The following KNL1 variants were observed in gnomAD, a reference collection of about 807,000 sequenced individuals.
The protein encoded by KNL1 is kinetochore scaffold 1, also known as outer kinetochore KNL1 complex subunit KNL1.
Under a neutral mutation model 201.3 loss-of-function variants are expected in KNL1, and 66 were observed. The observed-to-expected ratio is 0.33, with a 90% CI of 0.27 to 0.40. The LOEUF (loss-of-function observed/expected upper bound fraction) is 0.40, where lower values mean the gene tolerates loss of function less well. KNL1 is among the 10% of genes least tolerant of loss of function. The pLI is 1.00. For missense variants in KNL1, 2,815 were observed against 2,690.5 expected, an observed-to-expected ratio of 1.05 and a Z score of -1.02; for synonymous variants, 895 against 899.2, an observed-to-expected ratio of 1.00 and a Z score of 0.08.
intron 1 of KNL1, among the ~76,000 whole-genome samples, chr15:40,595,327 G>A (rs987010108): frequency 6.6e-6 from 1 of 152,218 alleles, no homozygotes; most frequent in Admixed American, 6.5e-5. Flanking sequence ...TTCTAAAGTG[G>A]TGTGGGAGCA....
intron 22 of KNL1, 60 bp downstream of exon 22, chr15:40,655,037 C>T: frequency 7.6e-7 from 1 of 1,315,892 alleles, no homozygotes; most frequent in Non-Finnish European, 1.1e-6. Flanking sequence ...ATGGCTCATG[C>T]CTTTAATCCC....
chr15:40,635,119 GCTCACTGCAAC>G (rs1386843898), intron 13 of KNL1, among the ~76,000 whole-genome samples: 3 of 151,492 alleles, frequency 2.0e-5, no homozygotes. Context: ...CACGATCTCG[GCTCACTGCAAC>G]CTCCACCTCC....
intron 13 of KNL1, 86 bp from the exon 14 acceptor site, chr15:40,640,826 A>G (rs1893205252): frequency 2.5e-6 from 2 of 803,604 alleles, no homozygotes; most frequent in South Asian, 1.5e-5. Flanking sequence ...ACATTTTAAA[A>G]TAGGCACTCT....
chr15:40,629,156 G>A, intron 12 of KNL1, 117 bp from the exon 13 acceptor site: 1 of 556,080 alleles, frequency 1.8e-6, no homozygotes, highest in Non-Finnish European at 3.1e-6. Context: ...GCAGATATCT[G>A]GATAATATTT....
chr15:40,619,591 A>G (rs1221779709), intron 9 of KNL1, among the ~76,000 whole-genome samples: 1 of 151,860 alleles, frequency 6.6e-6, no homozygotes, highest in Non-Finnish European at 1.5e-5. Context: ...TTTTGTAGAG[A>G]CAAGGTCTCA....
At chr15:40,635,590 A>T (rs1893033905) in intron 13 of KNL1, among the ~76,000 whole-genome samples, 3 of 151,220 alleles carry the variant, frequency 2.0e-5, no homozygotes, top group African/African-American at 7.3e-5. Context: ...CTGACCTCAG[A>T]TGATCCGCCC....
In KNL1 at chr15:40,662,060, T is replaced by C; in HGVS notation, c.6837-14T>C. 2.0e-6 allele frequency: 3 copies of C among 1,477,492 alleles called. No individual in the cohort carries two copies. Among genetic ancestry groups the C allele is most frequent in the Non-Finnish European group, 2.8e-6 (3 of 1,056,412 alleles). The allele number at this position is 1,477,492 out of a possible 1,614,324, so 91.5% of individuals were successfully genotyped here. On this transcript the variant is annotated splice_polypyrimidine_tract_variant and intron_variant, in intron 25 of 25. Transcript: ENST00000399668. ...TCGCAAAAAAGAAAATTGATTAACCTTTGTTCTTTCCAGCCAAGATGATAT... is the reference window on the plus strand; with the variant it reads ...TCGCAAAAAAGAAAATTGATTAACCCTTGTTCTTTCCAGCCAAGATGATAT...
At chr15:40,644,167 TGTA>T (rs1893318491) in intron 14 of KNL1, among the ~76,000 whole-genome samples, 1 of 152,168 alleles carries the variant, frequency 6.6e-6, no homozygotes, top group African/African-American at 2.4e-5. Context: ...CAAGAAGGAA[TGTA>T]GTAGGAGAGC....
At chr15:40,596,829 C>T (rs190814350) in intron 1 of KNL1, among the ~76,000 whole-genome samples, 8 of 151,730 alleles carry the variant, frequency 5.3e-5, no homozygotes, top group Admixed American at 3.3e-4. Flanking sequence ...GCAGAAACTG[C>T]GTCTCTACTA....
At chr15:40,657,279 A>T in intron 23 of KNL1, 76 bp from the exon 24 acceptor site, 1 of 1,052,308 alleles carries the variant, frequency 9.5e-7, no homozygotes, top group African/African-American at 1.6e-5. Context: ...AACTTTTTTG[A>T]GTTCTTTGTA....
intron 21 of KNL1, among the ~76,000 whole-genome samples, chr15:40,652,760 C>CAA (rs3986318): frequency 0.52 from 60,988 of 116,466 alleles, 16,348 homozygotes; most frequent in African/African-American, 0.64. Context: ...AAAACTGTCT[C>CAA]AAAAAAAAAA....
rs1193354940 is a variant in KNL1 at position 40,624,424 on chromosome 15, A to G, written c.4160A>G (p.Lys1387Arg). The G allele has an allele frequency of 1.9e-6, 3 of 1,614,034 alleles. No homozygotes were observed. The highest frequency in any genetic ancestry group is 2.2e-5 in the East Asian group (1 of 44,876). ...TTAGACTGTGTTATAACACTGCACAAAGATCAAGATCTGATTAAGGATCCA... is the reference window on the plus strand; with the variant it reads ...TTAGACTGTGTTATAACACTGCACAGAGATCAAGATCTGATTAAGGATCCA... ...GQLDCVITLH[K>R]DQDLIKDPRN... Residue 1387 changes from lysine to arginine, a missense_variant, in exon 10 of 26, where the codon AAA (lysine) becomes AGA (arginine). Physicochemically the swap from Lys to Arg is conservative, Grantham distance 26. Around this residue, in one of 3 missense-constraint regions of KNL1, gnomAD observed 2,464 missense variants for 2,291.7 expected, o/e 1.08. Coordinates refer to ENST00000399668, the MANE Select transcript of KNL1 (RefSeq NM_144508.5).
At chr15:40,657,299 C>G in intron 23 of KNL1, 56 bp from the exon 24 acceptor site, 2 of 1,142,408 alleles carry the variant, frequency 1.8e-6, no homozygotes, top group Non-Finnish European at 2.6e-6. Flanking sequence ...AAGTGAGCCA[C>G]TAAGCATTGA....
intron 17 of KNL1, among the ~76,000 whole-genome samples, chr15:40,649,709 A>G (rs569406469): frequency 4.6e-5 from 7 of 152,218 alleles, no homozygotes; most frequent in South Asian, 4.2e-4. Flanking sequence ...GGCTCAAGGA[A>G]TCCTCCTTCC....
chr15:40,634,425 C>T (rs1023007411), intron 13 of KNL1, among the ~76,000 whole-genome samples: 5 of 152,220 alleles, frequency 3.3e-5, no homozygotes, highest in African/African-American at 4.8e-5. Context: ...CTTTAAAATT[C>T]GTTTAATTGT....
rs2141724066 is a variant in KNL1 at position 40,623,863 on chromosome 15, C to T, written c.3599C>T (p.Ser1200Phe). 1 of 1,613,618 alleles carries T rather than the reference C, an allele frequency of 6.2e-7. No homozygotes were observed. Among genetic ancestry groups the T allele is most frequent in the Non-Finnish European group, 8.5e-7 (1 of 1,179,886 alleles). The change falls in exon 10 of 26, where the codon TCC (serine) becomes TTC (phenylalanine). Residue 1200 changes from serine (S) to phenylalanine (F), a missense_variant. This residue lies in a region of KNL1 where 2,464 missense variants were observed against 2,291.7 expected (regional missense o/e 1.08). Coordinates refer to ENST00000399668, the MANE Select transcript of KNL1 (RefSeq NM_144508.5). ...GIGKGKNLGV[S>F]FPKDNSCVQE... is the part of the protein sequence containing the mutation. ...GGAAAAGGAAAAAACTTGGGTGTTT[C>T]CTTTCCTAAGGATAATAGCTGTGTT...
chr15:40,611,103 A>G (rs1030685590), intron 6 of KNL1, among the ~76,000 whole-genome samples: 7 of 101,088 alleles, frequency 6.9e-5, no homozygotes, highest in African/African-American at 3.0e-4. Flanking sequence ...TAAAAATTTT[A>G]TTGTATTTTT....
At chr15:40,603,015 A>G in intron 2 of KNL1, 49 bp downstream of exon 2, 1 of 1,252,230 alleles carries the variant, frequency 8.0e-7, no homozygotes, top group Non-Finnish European at 1.1e-6. Context: ...TCAGAGAAAG[A>G]TATTTTTCTA....
intron 8 of KNL1, among the ~76,000 whole-genome samples, chr15:40,616,266 G>A (rs1462504554): frequency 2.6e-5 from 4 of 151,466 alleles, no homozygotes; most frequent in Non-Finnish European, 5.9e-5. Context: ...TGGGATTACA[G>A]GTGCCCACCA....
Sources: allele counts gnomAD v4.1 joint callset (sites outside exome capture counted in the v4.1 genomes callset), GRCh38; gene constraint gnomAD v4.1.1; regional missense constraint gnomAD v4.1.1; transcripts MANE v1.5; gene names NCBI Gene and HGNC (gene_info 2026-07-23, HGNC 2026-07-21).